EXOC6B: variants seen among roughly 807,000 people sequenced by gnomAD.
EXOC6B encodes exocyst complex component 6B, also known as SEC15 homolog B.
A neutral mutation model predicts 113.5 loss-of-function variants in EXOC6B; 54 were observed. The ratio of observed to expected loss-of-function variants is 0.48; its 90% confidence interval spans 0.38 to 0.60. The LOEUF (loss-of-function observed/expected upper bound fraction) is 0.60, where lower values mean the gene tolerates loss of function less well. EXOC6B is among the 20% of genes least tolerant of loss of function. The pLI, the probability that EXOC6B is intolerant of heterozygous loss-of-function variation, is 0.00. For missense variants in EXOC6B, 797 were observed against 977.5 expected, an observed-to-expected ratio of 0.82 and a Z score of 2.46; for synonymous variants, 357 against 339.0, an observed-to-expected ratio of 1.05 and a Z score of -0.58.
intron 18 of EXOC6B, among the ~76,000 whole-genome samples, chr2:72,408,882 A>G (rs1573055034): frequency 6.6e-6 from 1 of 152,340 alleles, no homozygotes; most frequent in East Asian, 1.9e-4. Context: ...TCATTAAACT[A>G]AAGAGCTTCT....
chr2:72,403,846 G>T (rs114947762), intron 18 of EXOC6B, among the ~76,000 whole-genome samples: 11 of 152,144 alleles, frequency 7.2e-5, no homozygotes, highest in Admixed American at 4.6e-4. Context: ...TCAGTGGGGG[G>T]TGTCAGACAG....
intron 20 of EXOC6B, among the ~76,000 whole-genome samples, chr2:72,189,230 C>T (rs1678649317): frequency 6.6e-6 from 1 of 152,114 alleles, no homozygotes; most frequent in Non-Finnish European, 1.5e-5. Context: ...ATTTATACAA[C>T]CTTTCTTTTT....
intron 20 of EXOC6B, among the ~76,000 whole-genome samples, chr2:72,211,175 C>T (rs1408318215): frequency 1.3e-5 from 2 of 152,144 alleles, no homozygotes; most frequent in African/African-American, 2.4e-5. Context: ...TTTCCATGTG[C>T]CCTTGCAGAG....
intron 6 of EXOC6B, among the ~76,000 whole-genome samples, chr2:72,651,058 T>G (rs1320885181): frequency 6.6e-6 from 1 of 152,078 alleles, no homozygotes; most frequent in Admixed American, 6.6e-5. Flanking sequence ...AAAAAGTGAA[T>G]CAACCAGTCA....
chr2:72,462,312 A>T (rs922389530), intron 18 of EXOC6B: 1 of 152,074 alleles, frequency 6.6e-6, no homozygotes, highest in Non-Finnish European at 1.5e-5. Flanking sequence ...GAATCATCTA[A>T]CCTAAACTCT....
chr2:72,708,896 A>ATTTTTTTTTT (rs1159794341), intron 6 of EXOC6B, among the ~76,000 whole-genome samples: 5 of 69,790 alleles, frequency 7.2e-5, no homozygotes, highest in Admixed American at 2.4e-4. Context: ...CATCCAGCTA[A>ATTTTTTTTTT]TTTTTTTTTT....
chr2:72,580,392 C>T (rs915408001), intron 6 of EXOC6B, among the ~76,000 whole-genome samples: 4 of 152,070 alleles, frequency 2.6e-5, no homozygotes, highest in African/African-American at 7.2e-5. Flanking sequence ...ATCCACCCAA[C>T]TCGGCCTCCC....
chr2:72,397,626 A>AAAAAAAAAT (rs1297110503), intron 18 of EXOC6B, among the ~76,000 whole-genome samples: 9,453 of 131,040 alleles, frequency 0.072, 1,170 homozygotes, highest in African/African-American at 0.24. Context: ...TCAAAAAAAA[A>AAAAAAAAAT]AAATAAAATA....
intron 6 of EXOC6B, among the ~76,000 whole-genome samples, chr2:72,619,228 G>A (rs1671595377): frequency 6.6e-6 from 1 of 151,416 alleles, no homozygotes. Flanking sequence ...GGACCCACTG[G>A]ATCAAACCAA....
rs1688606008 is a variant in EXOC6B, at chr2:72,334,962, G to A, written c.2181C>T (p.Phe727=). 1.2e-6 allele frequency: 2 copies of A among 1,613,340 alleles called. No individual in the cohort carries two copies. Among genetic ancestry groups the A allele is most frequent in the Non-Finnish European group, 1.7e-6 (2 of 1,179,492 alleles). The change falls in exon 20 of 22, where the codon TTC becomes TTT. Residue 727 remains phenylalanine (F), a synonymous_variant. Coordinates refer to ENST00000272427, the MANE Select transcript of EXOC6B (RefSeq NM_015189.3). ...AAAGACTTACTTGTCTCAAGTCGATGAAGGCCAACTGCAGCGTGTCCTCCT... is the reference window on the plus strand; with the variant it reads ...AAAGACTTACTTGTCTCAAGTCGATAAAGGCCAACTGCAGCGTGTCCTCCT... ...GFQEDTLQLA[F]IDLRQLLDLF...
intron 20 of EXOC6B, among the ~76,000 whole-genome samples, chr2:72,321,560 A>G (rs1687848635): frequency 6.6e-6 from 1 of 151,404 alleles, no homozygotes; most frequent in African/African-American, 2.4e-5. Flanking sequence ...AAAATGGAGT[A>G]CTAACATATG....
At chr2:72,497,348 T>C (rs764364186) in intron 13 of EXOC6B, among the ~76,000 whole-genome samples, 14 of 152,038 alleles carry the variant, frequency 9.2e-5, no homozygotes, top group Non-Finnish European at 1.9e-4. Context: ...AATAATAAAT[T>C]CAAACTATTT....
intron 8 of EXOC6B, among the ~76,000 whole-genome samples, chr2:72,528,916 T>G (rs1701863256): frequency 6.6e-6 from 1 of 152,174 alleles, no homozygotes; most frequent in African/African-American, 2.4e-5. Context: ...TTATTAGTAC[T>G]AGGAAGTTTA....
chr2:72,528,321 A>G (rs1029507124), intron 8 of EXOC6B, among the ~76,000 whole-genome samples: 2 of 151,972 alleles, frequency 1.3e-5, no homozygotes, highest in Non-Finnish European at 2.9e-5. Context: ...TTCTTCTGAC[A>G]CTATGTGTTG....
At chr2:72,487,164 G>T (rs538569663) in intron 16 of EXOC6B, among the ~76,000 whole-genome samples, 1 of 152,054 alleles carries the variant, frequency 6.6e-6, no homozygotes, top group East Asian at 1.9e-4. Context: ...CAACATAAAC[G>T]CATTACTACT....
At position 72,767,808 on chromosome 2, in the gene EXOC6B, TAAAA is replaced by T. The variant is rs34358568; in HGVS notation, c.114-26343_114-26340del. ...AGCCTGGGAGACACAGAGACCTTGT[TAAAA>T]AAAAAAAAAAAAAAAAAAAAAGACC... On this transcript the variant is annotated intron_variant, in intron 1 of 21. Coordinates refer to ENST00000272427, the MANE Select transcript of EXOC6B (RefSeq NM_015189.3). Among the ~76,000 whole-genome samples the T allele has an allele frequency of 8.4e-3, 106 of 12,690 alleles. 4 individuals are homozygous for T. The South Asian group carries it at 0.085, about 10-fold the overall frequency. The allele number at this position is 12,690 out of a possible 152,430, so 8.3% of individuals were successfully genotyped here. A position where few individuals can be genotyped will look rare whatever the true frequency, so the allele number is the denominator to read the frequency against.
At chr2:72,448,425 A>T (rs1044593660) in intron 18 of EXOC6B, among the ~76,000 whole-genome samples, 25 of 152,202 alleles carry the variant, frequency 1.6e-4, no homozygotes, top group Non-Finnish European at 2.9e-4. Context: ...AATATCTTAC[A>T]ATGTGACAAA....
intron 5 of EXOC6B, among the ~76,000 whole-genome samples, chr2:72,726,323 T>C (rs1680299361): frequency 6.6e-6 from 1 of 152,208 alleles, no homozygotes; most frequent in Admixed American, 6.5e-5. Flanking sequence ...CTAAAATCTA[T>C]TCAACTGTAC....
chr2:72,444,187 C>T (rs552620848), intron 18 of EXOC6B, among the ~76,000 whole-genome samples: 2 of 152,346 alleles, frequency 1.3e-5, no homozygotes, highest in South Asian at 4.1e-4. Context: ...CGAAATCCAG[C>T]AGGGCAGTCA....
Sources: gnomAD v4.1 joint callset for allele counts (sites outside exome capture counted in the v4.1 genomes callset) on GRCh38, gnomAD v4.1.1 for gene constraint, MANE v1.5 for transcripts, NCBI Gene and HGNC (gene_info 2026-07-23, HGNC 2026-07-21) for gene names.